The following EPHA5 variants were observed in gnomAD, a reference collection of about 807,000 sequenced individuals.
The protein encoded by EPHA5 is EPH receptor A5.
Under a neutral mutation model 105.0 loss-of-function variants are expected in EPHA5, and 60 were observed. The observed-to-expected ratio is 0.57, with a 90% CI of 0.46 to 0.71. The LOEUF (loss-of-function observed/expected upper bound fraction) is 0.71, where lower values mean the gene tolerates loss of function less well. Ranked by LOEUF, EPHA5 falls within the 30% of genes least tolerant of loss-of-function variation. EPHA5 has a pLI of 0.00. For missense variants in EPHA5, 1,218 were observed against 1,274.7 expected (o/e 0.96, Z 0.68); for synonymous variants, 513 against 449.1 (o/e 1.14, Z -1.80).
chr4:65,670,440 G>A lies in EPHA5; in HGVS notation c.-698C>T, dbSNP rs1033457429. 8.6e-6 allele frequency: 2 copies of A among 233,138 alleles called. No homozygotes were observed. Among genetic ancestry groups the A allele is most frequent in the Non-Finnish European group, 1.7e-5 (2 of 118,064 alleles). The allele number at this position is 233,138 out of a possible 1,614,324, so 14.4% of individuals were successfully genotyped here. A position where few individuals can be genotyped will look rare whatever the true frequency, so the allele number is the denominator to read the frequency against. On this transcript the variant is annotated 5_prime_UTR_variant, in exon 1 of 17. Coordinates refer to ENST00000613740, the MANE Select transcript of EPHA5 (RefSeq NM_001281766.3). ...CTCGGGGAGCAGGCGGTGTGTGCGC[G>A]GCTGCGAAGTCGAGGTTGAAACTGC...
At chr4:65,449,282 T>C (rs544388750) in intron 5 of EPHA5, among the ~76,000 whole-genome samples, 45 of 152,254 alleles carry the variant, frequency 3.0e-4, no homozygotes, top group South Asian at 4.1e-4. Flanking sequence ...TAAAATGGGA[T>C]ACATTTAGCA....
chr4:65,338,386 T>G (rs2148818694), intron 14 of EPHA5, among the ~76,000 whole-genome samples: 1 of 152,272 alleles, frequency 6.6e-6, no homozygotes, highest in Admixed American at 6.5e-5. Flanking sequence ...ATAGTAATTC[T>G]TATTTATTCA....
At chr4:65,448,174 C>T (rs192483740) in intron 5 of EPHA5, among the ~76,000 whole-genome samples, 2 of 150,858 alleles carry the variant, frequency 1.3e-5, no homozygotes, top group African/African-American at 2.4e-5. Context: ...TGATAACAAG[C>T]TCTTTTAGAG....
intron 9 of EPHA5, among the ~76,000 whole-genome samples, 166 bp downstream of exon 9, chr4:65,367,191 C>A (rs1717988813): frequency 6.6e-6 from 1 of 151,092 alleles, no homozygotes; most frequent in Non-Finnish European, 1.5e-5. Context: ...TCCAGAAATA[C>A]CCAAGCCCGT....
intron 13 of EPHA5, among the ~76,000 whole-genome samples, chr4:65,351,005 T>G (rs1722759387): frequency 7.2e-6 from 1 of 139,690 alleles, no homozygotes; most frequent in Admixed American, 7.8e-5. Context: ...TTCATATATA[T>G]GTGTGTATAC....
intron 5 of EPHA5, among the ~76,000 whole-genome samples, chr4:65,453,209 C>T (rs1436832026): frequency 2.6e-5 from 4 of 152,272 alleles, no homozygotes; most frequent in Non-Finnish European, 5.9e-5. Context: ...ATAATATGCT[C>T]TTGTTTATGT....
intron 5 of EPHA5, among the ~76,000 whole-genome samples, chr4:65,476,639 A>T (rs1729852003): frequency 6.6e-6 from 1 of 152,170 alleles, no homozygotes; most frequent in Non-Finnish European, 1.5e-5. Flanking sequence ...TAGTATGCTC[A>T]CTATCTCAAT....
At chr4:65,516,330 A>G (rs1372727765) in intron 3 of EPHA5, among the ~76,000 whole-genome samples, 1 of 152,200 alleles carries the variant, frequency 6.6e-6, no homozygotes, top group African/African-American at 2.4e-5. Context: ...TATTAAAATC[A>G]TAAGGAATTT....
intron 7 of EPHA5, among the ~76,000 whole-genome samples, chr4:65,409,599 C>T (rs1028548628): frequency 6.6e-6 from 1 of 152,050 alleles, no homozygotes; most frequent in Non-Finnish European, 1.5e-5. Context: ...GAGTTCATCA[C>T]TGAAGGTTAA....
rs185084829 is a variant in EPHA5 at position 65,576,220 on chromosome 4, T to A, written c.910+25421A>T. 2.4e-4 allele frequency among the ~76,000 whole-genome samples: 37 copies of A among 151,612 alleles called. No individual in the cohort carries two copies. The East Asian group carries it at 6.0e-3, about 25-fold the overall frequency. On this transcript the variant is annotated intron_variant, in intron 3 of 16. Coordinates refer to ENST00000613740, the MANE Select transcript of EPHA5 (RefSeq NM_001281766.3). ...ATAAATGCAGAAAATTGATCAAGGG[T>A]ATGCATGACATTTGCCAATTTTGTT...
At chr4:65,348,372 C>T (rs905043668) in intron 13 of EPHA5, among the ~76,000 whole-genome samples, 169 bp from the exon 14 acceptor site, 6 of 151,930 alleles carry the variant, frequency 3.9e-5, no homozygotes, top group African/African-American at 1.4e-4. Context: ...TTGTAGACTA[C>T]TAATTGGCTG....
At chr4:65,587,272 T>G (rs1271929336) in intron 3 of EPHA5, among the ~76,000 whole-genome samples, 1 of 152,108 alleles carries the variant, frequency 6.6e-6, no homozygotes, top group Non-Finnish European at 1.5e-5. Context: ...CACATCAGAA[T>G]CCTGACAATG....
intron 3 of EPHA5, among the ~76,000 whole-genome samples, chr4:65,559,647 T>A (rs899532068): frequency 3.9e-5 from 6 of 152,142 alleles, no homozygotes; most frequent in African/African-American, 1.4e-4. Flanking sequence ...GATGTGCATA[T>A]GCAAAGGCCC....
chr4:65,427,704 G>T (rs528797401), intron 5 of EPHA5, among the ~76,000 whole-genome samples: 1 of 152,216 alleles, frequency 6.6e-6, no homozygotes, highest in African/African-American at 2.4e-5. Flanking sequence ...AATTTCCAGA[G>T]AAACATGGGA....
intron 3 of EPHA5, among the ~76,000 whole-genome samples, chr4:65,531,340 T>C (rs1735778701): frequency 6.6e-6 from 1 of 152,154 alleles, no homozygotes; most frequent in Non-Finnish European, 1.5e-5. Context: ...CCCGGCCTTT[T>C]TTTTCATTTT....
intron 8 of EPHA5, among the ~76,000 whole-genome samples, chr4:65,379,676 C>T (rs941340624): frequency 1.3e-5 from 2 of 151,644 alleles, no homozygotes; most frequent in South Asian, 2.1e-4. Flanking sequence ...AATAGATTCT[C>T]ATTATCTCAG....
At chr4:65,553,760 T>G (rs1308370304) in intron 3 of EPHA5, among the ~76,000 whole-genome samples, 3 of 152,174 alleles carry the variant, frequency 2.0e-5, no homozygotes, top group South Asian at 2.1e-4. Context: ...CATTTTCGGA[T>G]GTAGGACCTC....
intron 3 of EPHA5, among the ~76,000 whole-genome samples, chr4:65,572,845 A>T (rs1740340985): frequency 6.6e-6 from 1 of 151,576 alleles, no homozygotes; most frequent in Admixed American, 6.6e-5. Context: ...AGCCTGGCCA[A>T]CATAGCGAAA....
chr4:65,494,455 GA>G (rs1197576352), intron 4 of EPHA5, among the ~76,000 whole-genome samples: 1 of 152,118 alleles, frequency 6.6e-6, no homozygotes, highest in Non-Finnish European at 1.5e-5. Context: ...AGGAGAGAGG[GA>G]TTCACTTCCC....
Sources: gnomAD v4.1 joint callset for allele counts (sites outside exome capture counted in the v4.1 genomes callset) on GRCh38, gnomAD v4.1.1 for gene constraint, MANE v1.5 for transcripts, NCBI Gene and HGNC (gene_info 2026-07-23, HGNC 2026-07-21) for gene names.